The following ABCA4 variants were observed in gnomAD, a reference collection of about 807,000 sequenced individuals.
The protein encoded by ABCA4 is ATP binding cassette subfamily A member 4.
In ABCA4, 196 loss-of-function variants were observed where a neutral mutation model predicts 263.7. The observed-to-expected ratio is 0.74, with a 90% CI of 0.66 to 0.84. The LOEUF (loss-of-function observed/expected upper bound fraction) is 0.84, where lower values mean the gene tolerates loss of function less well. ABCA4 is among the 40% of genes least tolerant of loss of function. The pLI, the probability that ABCA4 is intolerant of heterozygous loss-of-function variation, is 0.00. For missense variants in ABCA4, 2,792 were observed against 2,855.1 expected (o/e 0.98, Z 0.50); for synonymous variants, 1,133 against 1,094.2 (o/e 1.04, Z -0.70).
At chr1:94,096,711 C>G (rs986862472) in intron 6 of ABCA4, among the ~76,000 whole-genome samples, 1 of 152,160 alleles carries the variant, frequency 6.6e-6, no homozygotes, top group Non-Finnish European at 1.5e-5. Flanking sequence ...ACCCAGGTGC[C>G]GATTTACCCT....
chr1:94,101,339 G>C (rs1662282431), intron 5 of ABCA4, among the ~76,000 whole-genome samples: 1 of 152,228 alleles, frequency 6.6e-6, no homozygotes, highest in Non-Finnish European at 1.5e-5. Context: ...CCCCCTCTGT[G>C]GGGGTGGGAG....
chr1:94,070,753 G>A (rs369868469), intron 11 of ABCA4, among the ~76,000 whole-genome samples: 1 of 152,154 alleles, frequency 6.6e-6, no homozygotes, highest in Non-Finnish European at 1.5e-5. Context: ...GCAGTCGAGT[G>A]GGGGAAGGAT....
At chr1:94,054,627 A>G (rs1660922094) in intron 16 of ABCA4, among the ~76,000 whole-genome samples, 1 of 152,306 alleles carries the variant, frequency 6.6e-6, no homozygotes, top group South Asian at 2.1e-4. Context: ...GTCAGTAAGG[A>G]GGCCGACGTG....
intron 27 of ABCA4, among the ~76,000 whole-genome samples, chr1:94,031,505 C>T (rs1321312433): frequency 2.0e-5 from 3 of 152,190 alleles, no homozygotes; most frequent in Non-Finnish European, 2.9e-5. Flanking sequence ...TGAATGAAAA[C>T]ATGACTTTAT....
At chr1:94,002,169 C>T (rs1659208608) in intron 44 of ABCA4, among the ~76,000 whole-genome samples, 177 bp from the exon 45 acceptor site, 1 of 152,224 alleles carries the variant, frequency 6.6e-6, no homozygotes, top group Admixed American at 6.5e-5. Flanking sequence ...CAGACAGGGG[C>T]TCTTTCTCTC....
At chr1:94,015,229 A>T (rs1659695699) in intron 37 of ABCA4, among the ~76,000 whole-genome samples, 1 of 152,208 alleles carries the variant, frequency 6.6e-6, no homozygotes, top group African/African-American at 2.4e-5. Flanking sequence ...TACTCATTCA[A>T]ATTTACACAC....
chr1:94,079,526 T>C (rs1321905968), intron 8 of ABCA4, 65 bp from the exon 9 acceptor site: 4 of 1,606,838 alleles, frequency 2.5e-6, no homozygotes, highest in Non-Finnish European at 3.4e-6. Context: ...ATATAGTCAT[T>C]AGTGTATCCA....
At chr1:94,099,115 T>A (rs1484023326) in intron 5 of ABCA4, 124 bp from the exon 6 acceptor site, 7 of 1,078,446 alleles carry the variant, frequency 6.5e-6, no homozygotes, top group Non-Finnish European at 8.2e-6. Flanking sequence ...GCAGATGGGA[T>A]TAAAGCCACT....
chr1:94,005,030 G>T lies in ABCA4; in HGVS notation c.6147+411C>A, dbSNP rs111849559. Among the ~76,000 whole-genome samples, 597 of 152,232 alleles carry T rather than the reference G, an allele frequency of 3.9e-3. 10 individuals carry two copies. The highest frequency in any genetic ancestry group is 0.014 in the African/African-American group (569 of 41,526). On this transcript the variant is annotated intron_variant, in intron 44 of 49. Transcript: ENST00000370225. ...TTATAGTTGCGTAAGACTTTATTGT[G>T]TGTCTGTACCATAAATTATTCAGCC...
chr1:93,997,805 A>G, intron 48 of ABCA4, 56 bp downstream of exon 48: 1 of 1,611,050 alleles, frequency 6.2e-7, no homozygotes, highest in Non-Finnish European at 8.5e-7. Context: ...TCCAACCCAC[A>G]CTGGGTGTTC....
chr1:94,042,376 G>A (rs1660516449), intron 22 of ABCA4, among the ~76,000 whole-genome samples: 1 of 152,128 alleles, frequency 6.6e-6, no homozygotes, highest in Non-Finnish European at 1.5e-5. Flanking sequence ...TGCCCAGCAG[G>A]TCACCCTCAC....
rs200821403 is a variant in ABCA4 at position 93,997,907 on chromosome 1, C to T, written c.6683G>A (p.Ser2228Asn). Reference protein sequence around the residue: ...IFQLLLSHKDSLLIEEYSVTQ... With the variant: ...IFQLLLSHKDNLLIEEYSVTQ... ...GACTGAGTACTCCTCGATGAGCAGG[C>T]TGTCCTTGTGGGAGAGGAGGAGCTG... The change falls in exon 48 of 50, where the codon AGC becomes AAC. Residue 2228 changes from serine (S) to asparagine (N), a missense_variant. By Grantham distance (46) the Ser-to-Asn change is conservative (BLOSUM62 1). Transcript: ENST00000370225. The T allele has an allele frequency of 1.4e-5, 22 of 1,613,956 alleles. No homozygotes were observed. Among genetic ancestry groups the T allele is most frequent in the Non-Finnish European group, 1.5e-5 (18 of 1,180,026 alleles).
chr1:93,998,939 C>T (rs1020835199), intron 47 of ABCA4, among the ~76,000 whole-genome samples: 3 of 145,634 alleles, frequency 2.1e-5, no homozygotes, highest in Admixed American at 1.4e-4. Flanking sequence ...TTAGTAGAGA[C>T]AGGGTTTCAC....
chr1:94,026,890 G>T (rs1431833437), intron 30 of ABCA4, among the ~76,000 whole-genome samples: 1 of 152,086 alleles, frequency 6.6e-6, no homozygotes, highest in African/African-American at 2.4e-5. Flanking sequence ...AGTGGCTAGG[G>T]TGAGCAGATG....
chr1:94,022,042 T>C (rs1310316868), intron 32 of ABCA4, 91 bp from the exon 33 acceptor site: 58 of 1,078,648 alleles, frequency 5.4e-5, no homozygotes, highest in South Asian at 3.2e-4. Context: ...ACATGAACTT[T>C]CGGGGGAATT....
At chr1:94,046,830 G>A (rs1660697710) in intron 19 of ABCA4, 89 bp downstream of exon 19, 1 of 1,514,060 alleles carries the variant, frequency 6.6e-7, no homozygotes, top group Non-Finnish European at 9.1e-7. Flanking sequence ...AAAATTTGTG[G>A]GAAAGAGTAG....
At chr1:94,019,397 C>T (rs1167621764) in intron 36 of ABCA4, 185 bp downstream of exon 36, 1 of 677,788 alleles carries the variant, frequency 1.5e-6, no homozygotes. Flanking sequence ...GCTTCGGGCT[C>T]CTAGTTCTGT....
intron 3 of ABCA4, among the ~76,000 whole-genome samples, chr1:94,109,829 C>T (rs567952164): frequency 6.6e-6 from 1 of 152,302 alleles, no homozygotes; most frequent in South Asian, 2.1e-4. Flanking sequence ...GGTTTCCGTG[C>T]CTTGCAAGCA....
chr1:94,084,756 G>C (rs1461722602), intron 6 of ABCA4, among the ~76,000 whole-genome samples: 1 of 152,136 alleles, frequency 6.6e-6, no homozygotes, highest in East Asian at 1.9e-4. Flanking sequence ...GCACTGGACC[G>C]AGGCATTTGT....
Sources: allele counts gnomAD v4.1 joint callset (sites outside exome capture counted in the v4.1 genomes callset), GRCh38; gene constraint gnomAD v4.1.1; transcripts MANE v1.5; gene names NCBI Gene and HGNC (gene_info 2026-07-23, HGNC 2026-07-21).